Variants in ARMC2 observed in about 807,000 individuals in gnomAD.
The protein encoded by ARMC2 is armadillo repeat containing 2.
Under a neutral mutation model 90.3 loss-of-function variants are expected in ARMC2, and 67 were observed. That is an observed-to-expected ratio of 0.74 (90% CI 0.61 to 0.91). The LOEUF (loss-of-function observed/expected upper bound fraction) is 0.91, where lower values mean the gene tolerates loss of function less well. Ranked by LOEUF, ARMC2 falls within the 40% of genes least tolerant of loss-of-function variation. The pLI is 0.00. For missense variants in ARMC2, 920 were observed against 1,030.9 expected, an observed-to-expected ratio of 0.89 and a Z score of 1.47; for synonymous variants, 393 against 393.0, an observed-to-expected ratio of 1.00 and a Z score of 0.00.
chr6:108,979,857 T>A, the ARMC2 span, among the ~76,000 whole-genome samples: 3 of 151,918 alleles, frequency 2.0e-5, no homozygotes, highest in African/African-American at 7.2e-5. Flanking sequence ...TCGTTCATGT[T>A]CTTCTATAAA....
At chr6:109,022,753 C>A in the ARMC2 span, among the ~76,000 whole-genome samples, 2 of 151,976 alleles carry the variant, frequency 1.3e-5, no homozygotes. Context: ...ATTTAACTAT[C>A]ATAACACCTT....
chr6:108,992,635 T>C, the ARMC2 span: 33 of 648,356 alleles, frequency 5.1e-5, no homozygotes, highest in African/African-American at 5.7e-4. Context: ...ATGGATGAAT[T>C]AGAAACAGTC....
chr6:108,971,454 T>C (rs113135410), intron 17 of ARMC2, among the ~76,000 whole-genome samples: 33 of 152,248 alleles, frequency 2.2e-4, no homozygotes, highest in African/African-American at 7.2e-4. Flanking sequence ...TTGGTTGTGA[T>C]GAGAGGAAGG....
chr6:109,051,771 A>G, the ARMC2 span, among the ~76,000 whole-genome samples: 2 of 152,194 alleles, frequency 1.3e-5, no homozygotes, highest in Non-Finnish European at 2.9e-5. Flanking sequence ...TGGAGGCTGG[A>G]AAGTCCAGGG....
the ARMC2 span, chr6:108,998,973 T>G: frequency 4.3e-5 from 16 of 370,148 alleles, no homozygotes; most frequent in Non-Finnish European, 7.1e-5. Flanking sequence ...TCACTATTAT[T>G]TTGATTTTCT....
chr6:108,858,050 T>C, intron 2 of ARMC2, 149 bp from the exon 3 acceptor site: 1 of 503,660 alleles, frequency 2.0e-6, no homozygotes, highest in Non-Finnish European at 3.5e-6. Context: ...ATCAACTGTT[T>C]TAAGTACAAT....
chr6:109,007,785 C>CTTTTTTTTT, the ARMC2 span, among the ~76,000 whole-genome samples: 1 of 103,332 alleles, frequency 9.7e-6, no homozygotes, highest in Non-Finnish European at 2.1e-5. Context: ...AGTCCAGGTA[C>CTTTTTTTTT]TTTTTTTTTT....
intron 13 of ARMC2, among the ~76,000 whole-genome samples, chr6:108,953,651 T>C (rs906830479): frequency 6.6e-6 from 1 of 152,272 alleles, no homozygotes; most frequent in Non-Finnish European, 1.5e-5. Context: ...TTTAAAATTA[T>C]ACTCAGCAAA....
intron 6 of ARMC2, among the ~76,000 whole-genome samples, chr6:108,898,593 A>G (rs917397853): frequency 6.6e-6 from 1 of 152,346 alleles, no homozygotes. Flanking sequence ...TGTGAAATAT[A>G]ATCATAATTT....
intron 8 of ARMC2, among the ~76,000 whole-genome samples, chr6:108,906,183 T>C (rs182475218): frequency 6.6e-6 from 1 of 152,196 alleles, no homozygotes; most frequent in African/African-American, 2.4e-5. Flanking sequence ...TACAAAAATA[T>C]ATAAGCTTAA....
chr6:108,981,450 A>G, the ARMC2 span, among the ~76,000 whole-genome samples: 206 of 152,250 alleles, frequency 1.4e-3, no homozygotes, highest in African/African-American at 4.7e-3. Context: ...AACTGACGCT[A>G]TACGCACCAA....
At chr6:108,899,016 G>A (rs1007856944) in intron 6 of ARMC2, among the ~76,000 whole-genome samples, 8 of 152,150 alleles carry the variant, frequency 5.3e-5, no homozygotes, top group African/African-American at 1.9e-4. Context: ...TTGGCACTGA[G>A]CTCAGAGCTT....
chr6:108,967,957 G>A (rs999895958), intron 17 of ARMC2, among the ~76,000 whole-genome samples: 3 of 152,154 alleles, frequency 2.0e-5, no homozygotes, highest in East Asian at 1.9e-4. Context: ...GCCCACAGTC[G>A]TAGGCTAGTC....
chr6:108,854,346 G>A lies in ARMC2; in HGVS notation c.79G>A (p.Ala27Thr), dbSNP rs1774314102. ...TTCAGTGTCCAAGCAGAAGACCAGT[G>A]CAGAAATCATAAGTGAAGCAAGAAA... The part of the protein sequence containing the change: ...QPSVSKQKTS[A>T]EIISEARNAL... Residue 27 changes from alanine (A) to threonine (T), a missense_variant, in exon 2 of 18, where the codon GCA becomes ACA. Ala to Thr is a moderately conservative substitution (Grantham distance 58). Coordinates refer to ENST00000392644, the MANE Select transcript of ARMC2 (RefSeq NM_032131.6). 1.2e-6 allele frequency: 2 copies of A among 1,612,670 alleles called. No individual in the cohort carries two copies. The highest frequency in any genetic ancestry group is 1.7e-5 in the Admixed American group (1 of 59,886).
At chr6:108,986,018 C>T in the ARMC2 span, among the ~76,000 whole-genome samples, 2 of 152,166 alleles carry the variant, frequency 1.3e-5, no homozygotes, top group Admixed American at 6.5e-5. Context: ...CTACCCCATA[C>T]ATTTGTAGGC....
chr6:108,854,195 A>G (rs1265050581), intron 1 of ARMC2, 30 bp from the exon 2 acceptor site: 3 of 1,204,248 alleles, frequency 2.5e-6, no homozygotes, highest in Non-Finnish European at 3.5e-6. Flanking sequence ...GGACAAAAAT[A>G]ATGATGGTTT....
At chr6:108,996,855 T>A in the ARMC2 span, among the ~76,000 whole-genome samples, 3 of 152,090 alleles carry the variant, frequency 2.0e-5, no homozygotes, top group African/African-American at 7.2e-5. Context: ...AATTATTCAG[T>A]GCTAAAAAGA....
chr6:108,907,078 T>C (rs1772815483), intron 8 of ARMC2, among the ~76,000 whole-genome samples: 1 of 152,234 alleles, frequency 6.6e-6, no homozygotes, highest in Admixed American at 6.5e-5. Context: ...TGACTGTAAA[T>C]TGACATTATA....
the ARMC2 span, among the ~76,000 whole-genome samples, chr6:109,028,459 AC>A: frequency 4.3e-4 from 65 of 152,184 alleles, no homozygotes; most frequent in African/African-American, 1.5e-3. Flanking sequence ...GTGTTCTGGT[AC>A]ATTTGCATGT....
Sources: allele counts gnomAD v4.1 joint callset (sites outside exome capture counted in the v4.1 genomes callset), GRCh38; gene constraint gnomAD v4.1.1; transcripts MANE v1.5; gene names NCBI Gene and HGNC (gene_info 2026-07-23, HGNC 2026-07-21).